Variants in PGGT1B observed in about 807,000 individuals in gnomAD.
The protein encoded by PGGT1B is protein geranylgeranyltransferase type I subunit beta, also known as geranylgeranyl transferase type-1 subunit beta.
PGGT1B carries 30 observed loss-of-function variants against 46.1 expected under a neutral mutation model. The ratio of observed to expected loss-of-function variants is 0.65; its 90% CI spans 0.49 to 0.88. The LOEUF is 0.88. PGGT1B is among the 40% of genes least tolerant of loss of function. The pLI is 0.00. For synonymous variants in PGGT1B, 170 were observed against 160.0 expected (o/e 1.06, Z -0.47); for missense variants, 376 against 455.9 (o/e 0.82, Z 1.60).
rs1554072524 is a variant in PGGT1B at position 115,244,480 on chromosome 5, A to AG, written c.260-2875_260-2874insC. 7.3e-5 allele frequency among the ~76,000 whole-genome samples: 10 copies of AG among 136,236 alleles called. 1 individual carries two copies. Among genetic ancestry groups the AG allele is most frequent in the African/African-American group, 2.1e-4 (7 of 33,520 alleles). 89.4% of individuals were successfully genotyped at this position (136,236 alleles called of 152,430 possible). Reference sequence around the variant, plus strand: ...ACTCTGTCTCACAAAAAAAAAAAAAAAAAAAAAAAAAGGATTCTACCTAAC... The same window carrying AG: ...ACTCTGTCTCACAAAAAAAAAAAAAAGAAAAAAAAAAAGGATTCTACCTAAC... On this transcript the variant is annotated intron_variant, in intron 2 of 8. Coordinates refer to ENST00000419445, the MANE Select transcript of PGGT1B (RefSeq NM_005023.4).
intron 8 of PGGT1B, among the ~76,000 whole-genome samples, chr5:115,213,764 C>A (rs1235823371): frequency 6.6e-5 from 10 of 152,054 alleles, no homozygotes; most frequent in Non-Finnish European, 4.4e-5. Flanking sequence ...ATAATGAAAC[C>A]CTGTCTCAAA....
chr5:115,228,852 G>A (rs1385885031), intron 6 of PGGT1B, among the ~76,000 whole-genome samples: 3 of 152,102 alleles, frequency 2.0e-5, no homozygotes, highest in Non-Finnish European at 4.4e-5. Context: ...ATGAGAAAAA[G>A]ATATTGGATT....
intron 6 of PGGT1B, among the ~76,000 whole-genome samples, chr5:115,223,428 T>G (rs1184274230): frequency 6.6e-6 from 1 of 151,646 alleles, no homozygotes; most frequent in East Asian, 1.9e-4. Flanking sequence ...AGAAGGAGAT[T>G]AGACTAACAG....
At chr5:115,247,408 A>G (rs1006369611) in intron 2 of PGGT1B, among the ~76,000 whole-genome samples, 3 of 152,182 alleles carry the variant, frequency 2.0e-5, no homozygotes, top group African/African-American at 7.2e-5. Context: ...TGCTTCTTAA[A>G]TATATTTCAA....
At chr5:115,219,984 A>G (rs1756537978) in intron 7 of PGGT1B, among the ~76,000 whole-genome samples, 1 of 151,874 alleles carries the variant, frequency 6.6e-6, no homozygotes, top group Non-Finnish European at 1.5e-5. Flanking sequence ...GAACTCTCAT[A>G]CATTGCTAGA....
In PGGT1B at chr5:115,212,600, T is replaced by TA; in HGVS notation, c.953-18dup. 6.4e-7 allele frequency: 1 copy of TA among 1,553,208 alleles called. No homozygotes were observed. The highest frequency in any genetic ancestry group is 8.8e-7 in the Non-Finnish European group (1 of 1,140,682). ...GCAAAGCATCTGAAAAGAAGGCATT[T>TA]AAAACATCATAATAGGCATTCTTAC... On this transcript the variant is annotated splice_polypyrimidine_tract_variant and intron_variant, in intron 8 of 8. Transcript: ENST00000419445.
At chr5:115,215,635 G>A (rs571815838) in intron 8 of PGGT1B, among the ~76,000 whole-genome samples, 5 of 152,252 alleles carry the variant, frequency 3.3e-5, no homozygotes, top group East Asian at 3.9e-4. Flanking sequence ...AGGCAAGTAG[G>A]GGTGTAAGGA....
Position 115,210,298 on chromosome 5 carries a change from C to G in PGGT1B, c.*2104G>C, listed in dbSNP as rs1433757627. ...TCGTATTTTCCCTCATTACATCGCT[C>G]CTGTTAAGGAATAAAGTGTATATGT... On this transcript the variant is annotated 3_prime_UTR_variant, in exon 9 of 9. Transcript: ENST00000419445. 1 of 151,970 alleles carries G rather than the reference C, an allele frequency of 6.6e-6. No homozygotes were observed. The highest frequency in any genetic ancestry group is 6.6e-5 in the Admixed American group (1 of 15,248). 9.4% of individuals were successfully genotyped at this position (151,970 alleles called of 1,614,324 possible). A position where few individuals can be genotyped will look rare whatever the true frequency, so the allele number is the denominator to read the frequency against.
In PGGT1B at chr5:115,207,180, C is replaced by CATATATATATATATATATATATATATAT. The variant is rs35653225; in HGVS notation, c.*5221_*5222insATATATATATATATATATATATATATAT. On this transcript the variant is annotated 3_prime_UTR_variant, in exon 9 of 9. Transcript: ENST00000419445. ...ACTAGTTTAGGTTTGCATATACATA[C>CATATATATATATATATATATATATATAT]ATATATATATATATATATATATATA... 2.9e-3 allele frequency: 261 copies of CATATATATATATATATATATATATATAT among 89,832 alleles called. 5 individuals carry two copies. Among genetic ancestry groups the CATATATATATATATATATATATATATAT allele is most frequent in the Middle Eastern group, 6.8e-3 (1 of 146 alleles). The allele number at this position is 89,832 out of a possible 1,614,324, so 5.6% of individuals were successfully genotyped here.
At chr5:115,228,637 C>A (rs1188986579) in intron 6 of PGGT1B, among the ~76,000 whole-genome samples, 2 of 151,794 alleles carry the variant, frequency 1.3e-5, no homozygotes, top group Non-Finnish European at 2.9e-5. Flanking sequence ...GTACAATGAA[C>A]AGCATGTACA....
chr5:115,254,596 C>A (rs933627448), intron 1 of PGGT1B, among the ~76,000 whole-genome samples: 26 of 113,296 alleles, frequency 2.3e-4, no homozygotes, highest in South Asian at 6.0e-4. Context: ...ATAGTGATTT[C>A]TTCTCTTTTT....
chr5:115,221,772 A>G (rs1756596414), intron 7 of PGGT1B, 52 bp downstream of exon 7: 5 of 1,131,722 alleles, frequency 4.4e-6, no homozygotes. Flanking sequence ...TTTTTAGCAC[A>G]ATCTATATGA....
At chr5:115,213,075 C>T (rs962296906) in intron 8 of PGGT1B, among the ~76,000 whole-genome samples, 2 of 152,212 alleles carry the variant, frequency 1.3e-5, no homozygotes, top group African/African-American at 2.4e-5. Flanking sequence ...CAGTACTATC[C>T]TAACATTGTG....
At chr5:115,233,615 C>G (rs1298671759) in intron 5 of PGGT1B, among the ~76,000 whole-genome samples, 2 of 149,454 alleles carry the variant, frequency 1.3e-5, no homozygotes, top group African/African-American at 4.9e-5. Context: ...AAGGCTAACT[C>G]TGGCCTGCAG....
chr5:115,238,697 C>T (rs1446476571), intron 3 of PGGT1B, among the ~76,000 whole-genome samples: 4 of 152,116 alleles, frequency 2.6e-5, no homozygotes, highest in Admixed American at 2.0e-4. Context: ...TAAACTTTTA[C>T]AATCATTGAA....
intron 3 of PGGT1B, among the ~76,000 whole-genome samples, chr5:115,241,134 A>C (rs1757333216): frequency 6.6e-6 from 1 of 152,184 alleles, no homozygotes; most frequent in Admixed American, 6.5e-5. Flanking sequence ...AATGTGAGCT[A>C]AATGTAGAGT....
At chr5:115,247,366 C>T (rs1454309543) in intron 2 of PGGT1B, among the ~76,000 whole-genome samples, 1 of 152,028 alleles carries the variant, frequency 6.6e-6, no homozygotes, top group Non-Finnish European at 1.5e-5. Context: ...AGCTCTTGGG[C>T]CAAAATATCA....
At chr5:115,261,302 T>G (rs1174101153) in intron 1 of PGGT1B, among the ~76,000 whole-genome samples, 1 of 152,132 alleles carries the variant, frequency 6.6e-6, no homozygotes, top group African/African-American at 2.4e-5. Context: ...AACGTTTCAC[T>G]CTTTCTTTTG....
In PGGT1B at chr5:115,229,670, C is replaced by T. The variant is rs148483156; in HGVS notation, c.658+1306G>A. 2.6e-5 allele frequency among the ~76,000 whole-genome samples: 4 copies of T among 152,242 alleles called. No homozygotes were observed. In the East Asian group the frequency reaches 7.7e-4, roughly 29 times the overall value. ...GGTGACTCCTTAGCCAGAGTGTACA[C>T]TAATACCACCTACAATAGTAAACAC... is the stretch of plus-strand genomic sequence containing the variant. On this transcript the variant is annotated intron_variant, in intron 6 of 8. Transcript: ENST00000419445.
Sources: gnomAD v4.1 joint callset for allele counts (sites outside exome capture counted in the v4.1 genomes callset) on GRCh38, gnomAD v4.1.1 for gene constraint, MANE v1.5 for transcripts, NCBI Gene and HGNC (gene_info 2026-07-23, HGNC 2026-07-21) for gene names.